GORASP2: variants seen among roughly 807,000 people sequenced by gnomAD.
The protein encoded by GORASP2 is Golgi reassembly-stacking protein 2.
A neutral mutation model predicts 45.7 loss-of-function variants in GORASP2; 22 were observed. That is an observed-to-expected ratio of 0.48 (90% CI 0.34 to 0.69). GORASP2 has a LOEUF of 0.69. GORASP2 is among the 30% of genes least tolerant of loss of function. The pLI, the probability that GORASP2 is intolerant of heterozygous loss-of-function variation, is 0.01. For synonymous variants in GORASP2, 221 were observed against 215.6 expected (o/e 1.02, Z -0.22); for missense variants, 491 against 562.7 (o/e 0.87, Z 1.29).
At chr2:170,961,300 A>G (rs924661495) in intron 7 of GORASP2, among the ~76,000 whole-genome samples, 1 of 152,244 alleles carries the variant, frequency 6.6e-6, no homozygotes, top group African/African-American at 2.4e-5. Flanking sequence ...ATCTTAGTTT[A>G]GGAGCCCAGT....
At chr2:170,936,572 AT>A in intron 1 of GORASP2, 1 of 1,165,742 alleles carries the variant, frequency 8.6e-7, no homozygotes, top group Non-Finnish European at 1.2e-6. Context: ...TTGCAAATAA[AT>A]TTACTGTAGC....
chr2:170,935,526 A>G (rs192306443), intron 1 of GORASP2, among the ~76,000 whole-genome samples: 1,976 of 148,880 alleles, frequency 0.013, 57 homozygotes, highest in Admixed American at 0.063. Flanking sequence ...AAGTGTAGGG[A>G]TTTCAGGTGG....
At chr2:170,950,425 CAG>C in intron 4 of GORASP2, 135 bp downstream of exon 4, 1 of 516,384 alleles carries the variant, frequency 1.9e-6, no homozygotes, top group African/African-American at 2.0e-5. Context: ...ACTTAAGCCT[CAG>C]GGTGTTAAAT....
chr2:170,935,585 T>TC (rs1274931666), intron 1 of GORASP2, among the ~76,000 whole-genome samples: 1 of 150,202 alleles, frequency 6.7e-6, no homozygotes, highest in African/African-American at 2.5e-5. Flanking sequence ...TTTTTTTTTT[T>TC]TTTTTCTTTT....
intron 5 of GORASP2, among the ~76,000 whole-genome samples, chr2:170,952,789 C>T (rs1270834637): frequency 6.6e-6 from 1 of 152,182 alleles, no homozygotes; most frequent in Non-Finnish European, 1.5e-5. Flanking sequence ...TGTCCTCCCG[C>T]CTCAGCTTCC....
At chr2:170,929,054 G>C (rs1703746162), upstream of GORASP2, 1 of 348,860 alleles carries the variant, frequency 2.9e-6, no homozygotes, top group Admixed American at 4.8e-5. Flanking sequence ...CTGTTCTCTC[G>C]CGAGCACGAC....
chr2:170,942,332 CTG>C (rs1048406683), intron 1 of GORASP2, among the ~76,000 whole-genome samples: 1 of 152,128 alleles, frequency 6.6e-6, no homozygotes, highest in African/African-American at 2.4e-5. Context: ...ATTCCAGAAT[CTG>C]TGTATTACTC....
chr2:170,949,898 A>G, intron 3 of GORASP2, 156 bp downstream of exon 3: 1 of 631,012 alleles, frequency 1.6e-6, no homozygotes, highest in East Asian at 2.7e-5. Context: ...AGTATGGATC[A>G]ATTTTTTTTT....
In GORASP2 at chr2:170,951,442, T is replaced by A; in HGVS notation, c.550T>A (p.Trp184Arg). ...REVIITPNSA[W>R]GGEGSLGCGI... ...AGTGATTATTACACCAAATTCTGCA[T>A]GGGGTGGAGAAGGCAGGTAAGGTCA... The change falls in exon 5 of 10, where the codon TGG becomes AGG. Residue 184 changes from tryptophan (W) to arginine (R), a missense_variant. Physicochemically the swap from Trp to Arg is moderately radical, Grantham distance 101. Transcript: ENST00000234160. 1.2e-6 allele frequency: 2 copies of A among 1,610,512 alleles called. No homozygotes were observed. The highest frequency in any genetic ancestry group is 1.7e-6 in the Non-Finnish European group (2 of 1,178,656).
intron 1 of GORASP2, among the ~76,000 whole-genome samples, chr2:170,939,758 G>A (rs1704031578): frequency 6.6e-6 from 1 of 152,166 alleles, no homozygotes; most frequent in Non-Finnish European, 1.5e-5. Context: ...GACTACTATA[G>A]CTCCCTCACC....
chr2:170,953,411 G>A (rs1704348173), intron 5 of GORASP2, among the ~76,000 whole-genome samples: 1 of 152,158 alleles, frequency 6.6e-6, no homozygotes, highest in South Asian at 2.1e-4. Context: ...GTTGGCTACT[G>A]CCTGCTCACC....
At chr2:170,960,913 T>A (rs1449335813) in intron 7 of GORASP2, among the ~76,000 whole-genome samples, 2 of 152,234 alleles carry the variant, frequency 1.3e-5, no homozygotes, top group Non-Finnish European at 2.9e-5. Flanking sequence ...ATCTGGAATC[T>A]ATGCTAGATA....
chr2:170,929,445 C>T, intron 1 of GORASP2, 42 bp downstream of exon 1: 2 of 1,314,840 alleles, frequency 1.5e-6, no homozygotes, highest in East Asian at 3.1e-5. Flanking sequence ...GGGCTGGAGG[C>T]GGGGCCGGCC....
At chr2:170,948,656 A>G (rs917382006) in intron 2 of GORASP2, 2 of 307,168 alleles carry the variant, frequency 6.5e-6, no homozygotes, top group African/African-American at 4.3e-5. Flanking sequence ...AGTCTTTTAT[A>G]TGTTAAATAT....
At chr2:170,951,657 A>C in intron 5 of GORASP2, 199 bp downstream of exon 5, 1 of 349,984 alleles carries the variant, frequency 2.9e-6, no homozygotes, top group Non-Finnish European at 5.2e-6. Flanking sequence ...TATATACTAT[A>C]GTCCTTTTCT....
intron 7 of GORASP2, among the ~76,000 whole-genome samples, chr2:170,957,298 CAG>C (rs1014777525): frequency 3.3e-5 from 5 of 150,914 alleles, no homozygotes; most frequent in African/African-American, 7.3e-5. Flanking sequence ...TTTTTTGAAA[CAG>C]AGTTTCACTC....
intron 1 of GORASP2, among the ~76,000 whole-genome samples, chr2:170,944,176 A>G (rs7570701): frequency 0.61 from 92,844 of 152,000 alleles, 29,797 homozygotes; most frequent in East Asian, 0.95. Flanking sequence ...GATGCTTGAG[A>G]GATTACGTGC....
Position 170,943,401 on chromosome 2 carries a change from G to A in GORASP2, c.64-4949G>A, listed in dbSNP as rs74658345. On this transcript the variant is annotated intron_variant, in intron 1 of 9. Coordinates refer to ENST00000234160, the MANE Select transcript of GORASP2 (RefSeq NM_015530.5). ...CCTCAGATGGTGATTGCAGAGTTAG[G>A]AGGATGAGCTTAAGATTTCTTGGCC... Among the ~76,000 whole-genome samples, 16 of 152,354 alleles carry A rather than the reference G, an allele frequency of 1.1e-4. No individual in the cohort carries two copies. The East Asian group carries it at 2.9e-3, about 28-fold the overall frequency.
chr2:170,930,562 A>G (rs1366196858), intron 1 of GORASP2, among the ~76,000 whole-genome samples: 1 of 152,146 alleles, frequency 6.6e-6, no homozygotes, highest in Non-Finnish European at 1.5e-5. Context: ...GAGACAGATC[A>G]TCTTTCTGAT....
Sources: gnomAD v4.1 joint callset for allele counts (sites outside exome capture counted in the v4.1 genomes callset) on GRCh38, gnomAD v4.1.1 for gene constraint, MANE v1.5 for transcripts, NCBI Gene and HGNC (gene_info 2026-07-23, HGNC 2026-07-21) for gene names.